Variants in MEI4 observed in about 807,000 individuals in gnomAD.
MEI4 encodes the protein meiotic double-stranded break formation protein 4.
MEI4 carries 27 observed loss-of-function variants against 31.4 expected under a neutral mutation model. The observed-to-expected ratio is 0.86, with a 90% CI of 0.63 to 1.19. The LOEUF is 1.19. MEI4 is among the 50% of genes most tolerant of loss of function. The pLI is 0.00. For missense variants in MEI4, 329 were observed against 398.9 expected, an observed-to-expected ratio of 0.82 and a Z score of 1.49; for synonymous variants, 122 against 145.4, an observed-to-expected ratio of 0.84 and a Z score of 1.16.
At chr6:77,895,358 A>C (rs1213051188) in intron 4 of MEI4, among the ~76,000 whole-genome samples, 1 of 152,070 alleles carries the variant, frequency 6.6e-6, no homozygotes, top group African/African-American at 2.4e-5. Context: ...CTCTTCCTTT[A>C]AGTTCTCTGC....
intron 4 of MEI4, among the ~76,000 whole-genome samples, chr6:77,866,096 A>G (rs573984540): frequency 4.6e-4 from 70 of 151,994 alleles, no homozygotes; most frequent in African/African-American, 1.6e-3. Context: ...AATAAGAGCT[A>G]TCTATGACAA....
At chr6:77,813,685 A>G (rs560655726) in intron 3 of MEI4, among the ~76,000 whole-genome samples, 2 of 152,124 alleles carry the variant, frequency 1.3e-5, no homozygotes, top group East Asian at 3.9e-4. Context: ...GCTAGACCTA[A>G]TGGTGGTTGA....
chr6:77,664,348 G>A lies in MEI4; in HGVS notation c.-15+11256G>A, dbSNP rs1582001172. ...GGGTTGCTGCCAAACAAGTCATGAA[G>A]TGGGCTGGATTTTTATATTTGATGA... On this transcript the variant is annotated intron_variant, in intron 1 of 4. Coordinates refer to ENST00000684080, the MANE Select transcript of MEI4 (RefSeq NM_001322247.2). Among the ~76,000 whole-genome samples, 9 of 152,296 alleles carry A rather than the reference G, an allele frequency of 5.9e-5. No homozygotes were observed. In the South Asian group the frequency reaches 1.9e-3, roughly 32 times the overall value.
intron 4 of MEI4, among the ~76,000 whole-genome samples, chr6:77,903,859 T>C (rs1040058274): frequency 1.3e-5 from 2 of 152,178 alleles, no homozygotes; most frequent in African/African-American, 4.8e-5. Flanking sequence ...ATGTTATATA[T>C]AGTATAGCTA....
intron 4 of MEI4, among the ~76,000 whole-genome samples, chr6:77,893,383 G>A (rs145970353): frequency 6.6e-6 from 1 of 152,300 alleles, no homozygotes; most frequent in East Asian, 1.9e-4. Flanking sequence ...TGAAGATTTT[G>A]CTAGTTTGAT....
At chr6:77,857,326 A>G (rs1770769313) in intron 4 of MEI4, among the ~76,000 whole-genome samples, 1 of 152,152 alleles carries the variant, frequency 6.6e-6, no homozygotes, top group African/African-American at 2.4e-5. Context: ...AAGCAGTGGG[A>G]AGGTTTTACT....
At chr6:77,783,497 A>AT (rs1192712083) in intron 3 of MEI4, among the ~76,000 whole-genome samples, 2 of 151,980 alleles carry the variant, frequency 1.3e-5, no homozygotes, top group East Asian at 1.9e-4. Context: ...AGAAGTATGT[A>AT]TTTTTTTTCT....
intron 2 of MEI4, among the ~76,000 whole-genome samples, chr6:77,743,423 G>C (rs533186423): frequency 6.6e-6 from 1 of 152,220 alleles, no homozygotes; most frequent in African/African-American, 2.4e-5. Flanking sequence ...CTCTCTGTTT[G>C]TCTGTTATTG....
Position 77,734,397 on chromosome 6 carries a change from T to A in MEI4, c.233-26733T>A, listed in dbSNP as rs190779989. Among the ~76,000 whole-genome samples the A allele has an allele frequency of 2.6e-3, 391 of 152,204 alleles. 2 individuals carry two copies. Among genetic ancestry groups the A allele is most frequent in the African/African-American group, 8.9e-3 (369 of 41,446 alleles). On this transcript the variant is annotated intron_variant, in intron 2 of 4. Transcript: ENST00000684080. ...ATCTCTTTACCATTATGTAATGGCCTTCTTTGTGTCTTTTGATCTTTGTTG... is the reference window on the plus strand; with the variant it reads ...ATCTCTTTACCATTATGTAATGGCCATCTTTGTGTCTTTTGATCTTTGTTG...
At chr6:77,811,584 G>A (rs1014061066) in intron 3 of MEI4, among the ~76,000 whole-genome samples, 10 of 152,002 alleles carry the variant, frequency 6.6e-5, no homozygotes, top group Admixed American at 3.9e-4. Context: ...AAGACATCCT[G>A]GCCAACATGG....
intron 2 of MEI4, among the ~76,000 whole-genome samples, chr6:77,732,993 G>A (rs1247311367): frequency 6.6e-6 from 1 of 151,582 alleles, no homozygotes; most frequent in African/African-American, 2.4e-5. Context: ...GATGATGGTG[G>A]ATAAGCTTTT....
intron 4 of MEI4, among the ~76,000 whole-genome samples, chr6:77,841,337 T>TA (rs1770359871): frequency 4.6e-5 from 2 of 43,022 alleles, no homozygotes; most frequent in African/African-American, 3.2e-4. Context: ...ATATATATTT[T>TA]TTTTTTTTTT....
intron 1 of MEI4, among the ~76,000 whole-genome samples, chr6:77,689,943 G>A (rs1316245888): frequency 6.6e-6 from 1 of 151,956 alleles, no homozygotes; most frequent in Non-Finnish European, 1.5e-5. Context: ...TTAAAGCAGT[G>A]TATGCAGTGG....
chr6:77,813,004 A>G (rs1769610808), intron 3 of MEI4, among the ~76,000 whole-genome samples: 1 of 152,030 alleles, frequency 6.6e-6, no homozygotes, highest in Non-Finnish European at 1.5e-5. Flanking sequence ...GTGACATTAT[A>G]TTTTTGGATT....
At chr6:77,788,090 G>A (rs535073752) in intron 3 of MEI4, among the ~76,000 whole-genome samples, 1 of 152,210 alleles carries the variant, frequency 6.6e-6, no homozygotes, top group South Asian at 2.1e-4. Context: ...CAGCAGGGCT[G>A]GTTCAACATA....
chr6:77,913,961 G>T (rs542143659), intron 4 of MEI4, among the ~76,000 whole-genome samples: 1 of 151,010 alleles, frequency 6.6e-6, no homozygotes, highest in Admixed American at 6.6e-5. Flanking sequence ...GTGAATCCAG[G>T]AGGTGGAGCT....
chr6:77,856,636 C>G (rs56254401), intron 4 of MEI4, among the ~76,000 whole-genome samples: 2 of 152,340 alleles, frequency 1.3e-5, no homozygotes, highest in Middle Eastern at 3.4e-3. Context: ...CATTGGTCCT[C>G]TCAGGGCTAC....
At chr6:77,678,964 G>C (rs1211498909) in intron 1 of MEI4, among the ~76,000 whole-genome samples, 1 of 151,704 alleles carries the variant, frequency 6.6e-6, no homozygotes, top group Non-Finnish European at 1.5e-5. Context: ...AAATACAAAA[G>C]TTTAAAATAG....
intron 3 of MEI4, among the ~76,000 whole-genome samples, chr6:77,774,676 C>T (rs1768395218): frequency 6.6e-6 from 1 of 151,848 alleles, no homozygotes; most frequent in Admixed American, 6.6e-5. Context: ...ATGCCTGAGC[C>T]AGGATGTTAT....
Sources: gnomAD v4.1 joint callset for allele counts (sites outside exome capture counted in the v4.1 genomes callset) on GRCh38, gnomAD v4.1.1 for gene constraint, MANE v1.5 for transcripts, NCBI Gene and HGNC (gene_info 2026-07-23, HGNC 2026-07-21) for gene names.